CAST: variants seen among roughly 807,000 people sequenced by gnomAD.
CAST encodes the protein calpastatin, also known as MIR583 host.
CAST carries 76 observed loss-of-function variants against 119.6 expected under a neutral mutation model. The observed-to-expected ratio is 0.64, with a 90% CI of 0.53 to 0.77. CAST has a LOEUF of 0.77. CAST is among the 30% of genes least tolerant of loss of function. CAST has a pLI of 0.00. For synonymous variants in CAST, 319 were observed against 331.6 expected (o/e 0.96, Z 0.41); for missense variants, 953 against 946.5 (o/e 1.01, Z -0.09).
the CAST span, among the ~76,000 whole-genome samples, chr5:96,281,731 A>C: frequency 1.3e-5 from 2 of 152,194 alleles, no homozygotes; most frequent in Non-Finnish European, 2.9e-5. Context: ...AAGGTATCTG[A>C]AAGCTCTCAC....
the CAST span, among the ~76,000 whole-genome samples, chr5:96,475,168 A>T: frequency 1.3e-5 from 2 of 152,080 alleles, no homozygotes; most frequent in African/African-American, 4.8e-5. Context: ...TGGCCAGTGG[A>T]GGTTCTGTCG....
At chr5:95,961,919 C>T in the CAST span, 6 of 670,740 alleles carry the variant, frequency 8.9e-6, no homozygotes, top group Non-Finnish European at 1.4e-5. Context: ...CGCCCCGCCC[C>T]GGGCTCGTCT....
the CAST span, among the ~76,000 whole-genome samples, chr5:96,065,655 A>G: frequency 6.6e-6 from 1 of 152,146 alleles, no homozygotes; most frequent in Non-Finnish European, 1.5e-5. Flanking sequence ...AAATAGAAAT[A>G]GCATATTTGG....
At chr5:96,124,054 G>A in the CAST span, among the ~76,000 whole-genome samples, 4 of 152,108 alleles carry the variant, frequency 2.6e-5, no homozygotes, top group Admixed American at 2.6e-4. Context: ...TTTTAGATCT[G>A]GAAAAGTCCT....
the CAST span, among the ~76,000 whole-genome samples, chr5:96,373,484 AT>A: frequency 6.6e-6 from 1 of 152,162 alleles, no homozygotes; most frequent in East Asian, 1.9e-4. Flanking sequence ...GGATGTGTCC[AT>A]TTGTCTTTTT....
chr5:96,536,035 T>TTG (rs1198286777), intron 1 of CAST, among the ~76,000 whole-genome samples: 12 of 60,624 alleles, frequency 2.0e-4, no homozygotes, highest in African/African-American at 5.8e-4. Context: ...TTTAAGGTTT[T>TTG]TTTTTTTTTT....
At chr5:96,260,180 TC>T in the CAST span, among the ~76,000 whole-genome samples, 5 of 152,012 alleles carry the variant, frequency 3.3e-5, no homozygotes, top group African/African-American at 1.2e-4. Flanking sequence ...ACAACAAAAC[TC>T]CCCAGATGAA....
the CAST span, among the ~76,000 whole-genome samples, chr5:96,039,970 C>T: frequency 1.9e-3 from 292 of 152,198 alleles, 1 homozygote; most frequent in Admixed American, 4.0e-3. Flanking sequence ...GGCAGTAAGG[C>T]CATTTTCATG....
chr5:96,279,204 A>G, the CAST span, among the ~76,000 whole-genome samples: 8 of 152,330 alleles, frequency 5.3e-5, no homozygotes, highest in South Asian at 8.3e-4. Context: ...TCTGTTTGCC[A>G]GGTCACATTG....
At chr5:96,555,420 G>A (rs1222162653) in intron 1 of CAST, among the ~76,000 whole-genome samples, 1 of 152,178 alleles carries the variant, frequency 6.6e-6, no homozygotes, top group Non-Finnish European at 1.5e-5. Context: ...GCCGAAGCAG[G>A]GTGAAGCATC....
chr5:96,762,139 T>C (rs1768183494), intron 24 of CAST, 135 bp from the exon 25 acceptor site: 1 of 462,078 alleles, frequency 2.2e-6, no homozygotes. Flanking sequence ...TTTAAAATTA[T>C]ATGTTATTAT....
the CAST span, among the ~76,000 whole-genome samples, chr5:96,243,841 A>T: frequency 6.6e-6 from 1 of 152,298 alleles, no homozygotes; most frequent in East Asian, 1.9e-4. Context: ...GCAGTATCAC[A>T]TGAGGTACCC....
the CAST span, among the ~76,000 whole-genome samples, chr5:96,251,145 C>G: frequency 6.6e-6 from 1 of 152,142 alleles, no homozygotes; most frequent in African/African-American, 2.4e-5. Context: ...TGAAAGCATC[C>G]TTTTTCCTGG....
At chr5:95,982,163 A>G in the CAST span, among the ~76,000 whole-genome samples, 1 of 152,040 alleles carries the variant, frequency 6.6e-6, no homozygotes, top group Non-Finnish European at 1.5e-5. Context: ...ATACAGTATA[A>G]TATGTAATCG....
chr5:96,764,453 C>T (rs766393309), intron 25 of CAST, among the ~76,000 whole-genome samples: 1 of 152,162 alleles, frequency 6.6e-6, no homozygotes, highest in African/African-American at 2.4e-5. Flanking sequence ...AATACCAGCT[C>T]CCATTTCTGC....
chr5:96,729,267 T>G, intron 7 of CAST, 58 bp downstream of exon 7: 2 of 961,006 alleles, frequency 2.1e-6, no homozygotes, highest in Non-Finnish European at 3.3e-6. Context: ...GGGATATAAT[T>G]AAAATCTTTC....
At chr5:95,986,797 T>C in the CAST span, among the ~76,000 whole-genome samples, 1 of 152,236 alleles carries the variant, frequency 6.6e-6, no homozygotes, top group South Asian at 2.1e-4. Flanking sequence ...GCCTCAGTAA[T>C]CTTGAGTTCC....
chr5:96,734,080 TG>T (rs1761153876), intron 9 of CAST, among the ~76,000 whole-genome samples: 1 of 152,146 alleles, frequency 6.6e-6, no homozygotes, highest in Non-Finnish European at 1.5e-5. Flanking sequence ...ACAAGAGCTT[TG>T]GAAGAGTAGA....
At chr5:96,071,849 G>A in the CAST span, among the ~76,000 whole-genome samples, 4 of 152,162 alleles carry the variant, frequency 2.6e-5, no homozygotes, top group Admixed American at 6.6e-5. Flanking sequence ...GGAAGTGGGG[G>A]CAAGTGAGTT....
Sources: allele counts gnomAD v4.1 joint callset (sites outside exome capture counted in the v4.1 genomes callset), GRCh38; gene constraint gnomAD v4.1.1; transcripts MANE v1.5; gene names NCBI Gene and HGNC (gene_info 2026-07-23, HGNC 2026-07-21).